Variants in MBD5 observed in about 807,000 individuals in gnomAD.
MBD5 encodes methyl-CpG binding domain protein 5.
MBD5 carries 13 observed loss-of-function variants against 117.3 expected under a neutral mutation model. That is an observed-to-expected ratio of 0.11 (90% CI 0.07 to 0.18). The LOEUF is 0.18. Among genes scored for constraint, MBD5 ranks in the 10% least tolerant of loss-of-function variants. MBD5 has a pLI of 1.00. For synonymous variants in MBD5, 727 were observed against 766.4 expected, an observed-to-expected ratio of 0.95 and a Z score of 0.85; for missense variants, 1,879 against 2,093.8, an observed-to-expected ratio of 0.90 and a Z score of 2.00.
At chr2:148,386,501 G>T (rs958818643) in intron 4 of MBD5, among the ~76,000 whole-genome samples, 2 of 151,682 alleles carry the variant, frequency 1.3e-5, no homozygotes, top group East Asian at 3.9e-4. Context: ...GGCGGATCAC[G>T]AGGTCAGGAG....
chr2:148,379,274 C>T (rs1220590095), intron 4 of MBD5, among the ~76,000 whole-genome samples: 2 of 151,856 alleles, frequency 1.3e-5, no homozygotes, highest in African/African-American at 2.4e-5. Flanking sequence ...GGGGAAAAAA[C>T]ACAGATAACC....
intron 3 of MBD5, among the ~76,000 whole-genome samples, chr2:148,339,399 A>G (rs556582344): frequency 1.3e-5 from 2 of 152,152 alleles, no homozygotes; most frequent in South Asian, 2.1e-4. Context: ...AAGTCCTTCA[A>G]GTTTCTCACC....
rs555748600 is a variant in MBD5, at chr2:148,248,908, G to A, written c.-680+15513G>A. ...AAAGAGGTATATAAAATTAGGATAA[G>A]GGTTGACTTTTCAATAAGTATACTG... On this transcript the variant is annotated intron_variant, in intron 3 of 13. Transcript: ENST00000642680. Among the ~76,000 whole-genome samples the A allele has an allele frequency of 9.7e-4, 148 of 152,074 alleles. 2 individuals are homozygous for A. Among genetic ancestry groups the A allele is most frequent in the South Asian group, 4.2e-3 (20 of 4,818 alleles).
chr2:148,416,574 A>C (rs1269653965), intron 4 of MBD5, among the ~76,000 whole-genome samples: 1 of 152,176 alleles, frequency 6.6e-6, no homozygotes, highest in Non-Finnish European at 1.5e-5. Flanking sequence ...CAAATTAACT[A>C]GTCTTTTGTA....
chr2:148,377,424 C>T (rs1704020942), intron 4 of MBD5, among the ~76,000 whole-genome samples: 1 of 152,128 alleles, frequency 6.6e-6, no homozygotes, highest in Admixed American at 6.5e-5. Context: ...ACTTTGCATC[C>T]TTCAATCCAA....
Position 148,498,968 on chromosome 2 carries a change from A to G in MBD5, c.4963-3468A>G, listed in dbSNP as rs117657054. ...TATGTTGAAGAATTATTATATCCAAACAATTTGAATGAAAGAAGAGTTTTT... is the reference window on the plus strand; with the variant it reads ...TATGTTGAAGAATTATTATATCCAAGCAATTTGAATGAAAGAAGAGTTTTT... On this transcript the variant is annotated intron_variant, in intron 11 of 13. Coordinates refer to ENST00000642680, the MANE Select transcript of MBD5 (RefSeq NM_001378120.1). 3.1e-4 allele frequency among the ~76,000 whole-genome samples: 47 copies of G among 152,276 alleles called. No homozygotes were observed. The East Asian group carries it at 8.9e-3, about 29-fold the overall frequency.
chr2:148,098,877 C>A (rs1375595010), intron 1 of MBD5, among the ~76,000 whole-genome samples: 2 of 151,946 alleles, frequency 1.3e-5, no homozygotes, highest in East Asian at 1.9e-4. Context: ...ATGGCGAGAC[C>A]CTGTCTCTAC....
rs1682265125 is a variant in MBD5, at chr2:148,513,030, T to A, written c.*89T>A. 5 of 1,262,984 alleles carry A rather than the reference T, an allele frequency of 4.0e-6. No homozygotes were observed. Among genetic ancestry groups the A allele is most frequent in the African/African-American group, 1.5e-5 (1 of 67,744 alleles). The allele number at this position is 1,262,984 out of a possible 1,614,324, so 78.2% of individuals were successfully genotyped here. A position where few individuals can be genotyped will look rare whatever the true frequency, so the allele number is the denominator to read the frequency against. On this transcript the variant is annotated 3_prime_UTR_variant, in exon 14 of 14. Transcript: ENST00000642680. ...AGGTATTGATATAGCCACAGTTATA[T>A]CAATATTTAGACTATGGCAGATAGC... is the stretch of plus-strand genomic sequence containing the variant.
At chr2:148,148,860 C>A (rs1697549995) in intron 1 of MBD5, among the ~76,000 whole-genome samples, 2 of 152,132 alleles carry the variant, frequency 1.3e-5, no homozygotes, top group Non-Finnish European at 2.9e-5. Context: ...ATTTTTCTCT[C>A]TATATGCCCT....
chr2:148,155,469 C>T (rs1697850616), intron 1 of MBD5, among the ~76,000 whole-genome samples: 1 of 152,208 alleles, frequency 6.6e-6, no homozygotes, highest in African/African-American at 2.4e-5. Flanking sequence ...AACTGTCCTT[C>T]AGAGATTAAG....
At chr2:148,428,258 G>A (rs1276126955) in intron 4 of MBD5, among the ~76,000 whole-genome samples, 1 of 152,082 alleles carries the variant, frequency 6.6e-6, no homozygotes, top group African/African-American at 2.4e-5. Context: ...GCTTCAAAGA[G>A]AATAAAATAC....
At chr2:148,382,922 A>C (rs1280891204) in intron 4 of MBD5, among the ~76,000 whole-genome samples, 2 of 151,498 alleles carry the variant, frequency 1.3e-5, no homozygotes, top group Non-Finnish European at 2.9e-5. Flanking sequence ...ACAAAGACAC[A>C]ACATACCAGA....
chr2:148,115,447 A>T (rs2105371456), intron 1 of MBD5, among the ~76,000 whole-genome samples: 1 of 152,290 alleles, frequency 6.6e-6, no homozygotes, highest in African/African-American at 2.4e-5. Context: ...ATCGTTGAGA[A>T]TTCTGCATTC....
intron 1 of MBD5, among the ~76,000 whole-genome samples, chr2:148,032,396 G>A (rs558485400): frequency 6.6e-6 from 1 of 152,070 alleles, no homozygotes; most frequent in Admixed American, 6.6e-5. Flanking sequence ...GCGATCAAGA[G>A]GAATTTTTTT....
intron 1 of MBD5, among the ~76,000 whole-genome samples, chr2:148,148,940 A>T (rs1697553829): frequency 6.6e-6 from 1 of 151,952 alleles, no homozygotes; most frequent in African/African-American, 2.4e-5. Flanking sequence ...TATTTATTTT[A>T]TTTTATTTTT....
intron 12 of MBD5, among the ~76,000 whole-genome samples, chr2:148,504,581 T>C (rs1197064115): frequency 2.6e-5 from 4 of 152,206 alleles, no homozygotes; most frequent in Non-Finnish European, 5.9e-5. Flanking sequence ...GCTCACTGTT[T>C]AGTGAAAGAG....
At chr2:148,386,173 A>T (rs1452988544) in intron 4 of MBD5, among the ~76,000 whole-genome samples, 1 of 152,210 alleles carries the variant, frequency 6.6e-6, no homozygotes, top group African/African-American at 2.4e-5. Flanking sequence ...CAATTTATTA[A>T]GTTATAAAAT....
chr2:148,165,201 C>A (rs1211175882), intron 1 of MBD5, among the ~76,000 whole-genome samples: 1 of 151,998 alleles, frequency 6.6e-6, no homozygotes, highest in Admixed American at 6.6e-5. Context: ...TGTATTTGTT[C>A]CTCTTTTATC....
intron 1 of MBD5, among the ~76,000 whole-genome samples, chr2:148,039,522 A>T (rs1194664655): frequency 1.3e-5 from 2 of 152,176 alleles, no homozygotes; most frequent in Non-Finnish European, 2.9e-5. Context: ...GAGGCTTAAA[A>T]TGTTGGAAAT....
Sources: gnomAD v4.1 joint callset for allele counts (sites outside exome capture counted in the v4.1 genomes callset) on GRCh38, gnomAD v4.1.1 for gene constraint, MANE v1.5 for transcripts, NCBI Gene and HGNC (gene_info 2026-07-23, HGNC 2026-07-21) for gene names.